DENND2B: variants seen among roughly 807,000 people sequenced by gnomAD.
DENND2B encodes DENN domain-containing protein 2B.
In DENND2B, 32 loss-of-function variants were observed where a neutral mutation model predicts 116.0. That is an observed-to-expected ratio of 0.28 (90% CI 0.21 to 0.37). The LOEUF is 0.37. DENND2B is among the 10% of genes least tolerant of loss of function. The pLI is 1.00. For synonymous variants in DENND2B, 588 were observed against 583.9 expected, an observed-to-expected ratio of 1.01 and a Z score of -0.10; for missense variants, 1,276 against 1,477.7, an observed-to-expected ratio of 0.86 and a Z score of 2.24.
chr11:8,872,499 A>G (rs943843371), upstream of DENND2B, among the ~76,000 whole-genome samples: 8 of 151,954 alleles, frequency 5.3e-5, no homozygotes, highest in South Asian at 2.1e-4. Flanking sequence ...AAAAAAAAAA[A>G]AAAGAAAAAA....
At chr11:8,856,717 G>C (rs954792612) in intron 3 of DENND2B, among the ~76,000 whole-genome samples, 2 of 151,424 alleles carry the variant, frequency 1.3e-5, no homozygotes, top group African/African-American at 4.9e-5. Context: ...ATTTCCGTCT[G>C]TTCCTTCAGT....
chr11:8,718,096 A>AACCCCCCCCCCCC, intron 4 of DENND2B: 1 of 65,008 alleles, frequency 1.5e-5, no homozygotes, highest in South Asian at 1.1e-4. Flanking sequence ...AAGCAGACCC[A>AACCCCCCCCCCCC]CCCCCCCACC....
chr11:8,845,650 G>A (rs2062785524), intron 3 of DENND2B, among the ~76,000 whole-genome samples: 1 of 152,152 alleles, frequency 6.6e-6, no homozygotes, highest in African/African-American at 2.4e-5. Context: ...CTTTTGTAAA[G>A]TGGGAGAAGA....
chr11:8,826,982 G>C (rs1055221407), intron 4 of DENND2B, among the ~76,000 whole-genome samples: 1 of 152,206 alleles, frequency 6.6e-6, no homozygotes, highest in Non-Finnish European at 1.5e-5. Flanking sequence ...AACGGGGAGA[G>C]TAGAAAGCAA....
At chr11:8,836,284 C>T (rs900877003) in intron 4 of DENND2B, among the ~76,000 whole-genome samples, 1 of 151,890 alleles carries the variant, frequency 6.6e-6, no homozygotes, top group Non-Finnish European at 1.5e-5. Flanking sequence ...AAATATTCTA[C>T]TTAGCTCCAC....
At chr11:8,799,264 C>T (rs972477978) in intron 1 of DENND2B, among the ~76,000 whole-genome samples, 3 of 152,182 alleles carry the variant, frequency 2.0e-5, no homozygotes, top group Non-Finnish European at 2.9e-5. Context: ...AGAGCAAACC[C>T]TGAGCATCAG....
At chr11:8,858,767 C>A (rs891072278) in intron 2 of DENND2B, among the ~76,000 whole-genome samples, 5 of 152,132 alleles carry the variant, frequency 3.3e-5, no homozygotes, top group African/African-American at 1.2e-4. Flanking sequence ...TGGCTGGTCA[C>A]CCAAACTAGG....
chr11:8,805,869 T>C (rs2060792698), intron 1 of DENND2B, among the ~76,000 whole-genome samples: 1 of 152,118 alleles, frequency 6.6e-6, no homozygotes, highest in Non-Finnish European at 1.5e-5. Flanking sequence ...ATTCACTGAC[T>C]AAATGGGTGA....
intron 1 of DENND2B, among the ~76,000 whole-genome samples, chr11:8,762,267 C>T (rs1247919510): frequency 6.6e-6 from 1 of 152,202 alleles, no homozygotes; most frequent in Non-Finnish European, 1.5e-5. Context: ...TGTCTCCACT[C>T]CAGCCACACT....
chr11:8,890,000 G>A (rs893745663), intron 1 of DENND2B, among the ~76,000 whole-genome samples: 6 of 152,190 alleles, frequency 3.9e-5, no homozygotes, highest in Admixed American at 3.9e-4. Context: ...CCCAGTAGGG[G>A]CGGACTGACA....
intron 15 of DENND2B, 44 bp downstream of exon 15, chr11:8,699,169 T>TCC (rs745776054): frequency 6.5e-7 from 1 of 1,527,948 alleles, no homozygotes; most frequent in Non-Finnish European, 8.8e-7. Context: ...AGCACCTGCT[T>TCC]CCCCCTCCAC....
chr11:8,772,880 G>T (rs1434437256), intron 1 of DENND2B, among the ~76,000 whole-genome samples: 1 of 152,064 alleles, frequency 6.6e-6, no homozygotes, highest in African/African-American at 2.4e-5. Context: ...TGCTTACAGC[G>T]CACCAATTTT....
chr11:8,901,224 CTTTTCTTTTT>C (rs1230382828), intron 1 of DENND2B, among the ~76,000 whole-genome samples: 7 of 55,746 alleles, frequency 1.3e-4, no homozygotes, highest in Admixed American at 8.6e-4. Flanking sequence ...CTTTTCTTTT[CTTTTCTTTTT>C]TTTTTTTTTT....
At chr11:8,890,455 G>T (rs1308634165) in intron 1 of DENND2B, among the ~76,000 whole-genome samples, 1 of 152,204 alleles carries the variant, frequency 6.6e-6, no homozygotes, top group Non-Finnish European at 1.5e-5. Flanking sequence ...GCTAAAGGAG[G>T]AAGTTTGAAC....
chr11:8,801,768 C>G (rs57900521), intron 1 of DENND2B, among the ~76,000 whole-genome samples: 5,652 of 150,928 alleles, frequency 0.037, 297 homozygotes, highest in African/African-American at 0.11. Context: ...CCTTGGAAAG[C>G]CGAGGTGGGC....
At chr11:8,814,341 T>C (rs984700165), upstream of DENND2B, among the ~76,000 whole-genome samples, 7 of 145,156 alleles carry the variant, frequency 4.8e-5, no homozygotes, top group Non-Finnish European at 1.0e-4. Context: ...CCCACTACAC[T>C]TAAGATAAAA....
upstream of DENND2B, among the ~76,000 whole-genome samples, chr11:8,813,035 C>G (rs1224740656): frequency 6.6e-6 from 1 of 152,180 alleles, no homozygotes; most frequent in East Asian, 1.9e-4. Context: ...CCTCCCACCT[C>G]AGACTCCTGA....
At chr11:8,879,776 G>GA (rs1473790164) in intron 2 of DENND2B, among the ~76,000 whole-genome samples, 5 of 151,330 alleles carry the variant, frequency 3.3e-5, no homozygotes, top group East Asian at 3.9e-4. Context: ...ACATATGATT[G>GA]AAAAAAAAAT....
Position 8,894,908 on chromosome 11 carries a change from C to T in DENND2B, c.-255-13799G>A, listed in dbSNP as rs1434500684. Reference sequence around the variant, plus strand: ...GTGATCCCATTTCTGGGTATATACCCAAAGGATTATAAATCATGCTGCTAT... The same window carrying T: ...GTGATCCCATTTCTGGGTATATACCTAAAGGATTATAAATCATGCTGCTAT... On this transcript the variant is annotated intron_variant, in intron 1 of 22. Transcript: ENST00000534127. Among the ~76,000 whole-genome samples the T allele has an allele frequency of 2.4e-3, 365 of 152,110 alleles. 2 individuals carry two copies. Among genetic ancestry groups the T allele is most frequent in the Middle Eastern group, 6.8e-3 (2 of 294 alleles).
Sources: gnomAD v4.1 joint callset for allele counts (sites outside exome capture counted in the v4.1 genomes callset) on GRCh38, gnomAD v4.1.1 for gene constraint, MANE v1.5 for transcripts, NCBI Gene and HGNC (gene_info 2026-07-23, HGNC 2026-07-21) for gene names.